Variants in CELF2 observed in about 807,000 individuals in gnomAD.
CELF2 encodes CUG triplet repeat RNA-binding protein 2.
CELF2 carries 8 observed loss-of-function variants against 62.6 expected under a neutral mutation model. The ratio of observed to expected loss-of-function variants is 0.13; its 90% CI spans 0.07 to 0.23. The LOEUF is 0.23. Ranked by LOEUF, CELF2 falls within the 10% of genes least tolerant of loss-of-function variation. The pLI, the probability that CELF2 is intolerant of heterozygous loss-of-function variation, is 1.00. For synonymous variants in CELF2, 258 were observed against 250.0 expected (o/e 1.03, Z -0.30); for missense variants, 333 against 671.0 (o/e 0.50, Z 5.56).
intron 8 of CELF2, 42 bp downstream of exon 8, chr10:11,275,162 T>G: frequency 6.2e-7 from 1 of 1,602,292 alleles, no homozygotes; most frequent in South Asian, 1.1e-5. Context: ...CGTGCTATTG[T>G]CAGAATTTGG....
chr10:11,167,548 C>G (rs888945052), intron 2 of CELF2, among the ~76,000 whole-genome samples: 4 of 152,208 alleles, frequency 2.6e-5, no homozygotes, highest in African/African-American at 9.7e-5. Context: ...TCCTTTTTCC[C>G]AGTCAGGTAA....
At chr10:10,933,372 C>A (rs933270261) in intron 2 of CELF2, among the ~76,000 whole-genome samples, 12 of 152,182 alleles carry the variant, frequency 7.9e-5, no homozygotes, top group Admixed American at 1.3e-4. Flanking sequence ...TACCTGAATA[C>A]ATTGTGCAAA....
At chr10:11,121,967 G>C (rs2057841280) in intron 1 of CELF2, among the ~76,000 whole-genome samples, 1 of 152,142 alleles carries the variant, frequency 6.6e-6, no homozygotes, top group African/African-American at 2.4e-5. Context: ...GTCCATGTGT[G>C]CCAGATAACC....
At chr10:11,070,684 T>A (rs956857551) in intron 1 of CELF2, among the ~76,000 whole-genome samples, 4 of 152,002 alleles carry the variant, frequency 2.6e-5, no homozygotes, top group Admixed American at 1.3e-4. Context: ...CCAACAATAC[T>A]TTGTGGCCTG....
the CELF2 span, among the ~76,000 whole-genome samples, chr10:10,527,743 C>T: frequency 6.6e-6 from 1 of 152,198 alleles, no homozygotes; most frequent in South Asian, 2.1e-4. Context: ...GAAGAAAATA[C>T]TGTTGCTTAC....
At position 11,165,156 on chromosome 10, in the gene CELF2, C is replaced by A; in HGVS notation, c.75-330C>A. Reference sequence around the variant, plus strand: ...TAAGGCGCTGATGCGTTGATGGCAGCCTTGCAGAGCTAGACCTGCACTTAA... The same window carrying A: ...TAAGGCGCTGATGCGTTGATGGCAGACTTGCAGAGCTAGACCTGCACTTAA... On this transcript the variant is annotated intron_variant, in intron 1 of 12. Coordinates refer to ENST00000633077, the MANE Select transcript of CELF2 (RefSeq NM_001326342.2). This position sits in a 1 kb window ranked among gnomAD's most constrained non-coding sequence, Gnocchi z 7.4. 1 of 1,105,400 alleles carries A rather than the reference C, an allele frequency of 9.0e-7. No individual in the cohort carries two copies. The highest frequency in any genetic ancestry group is 1.1e-6 in the Non-Finnish European group (1 of 903,432). The allele number at this position is 1,105,400 out of a possible 1,614,324, so 68.5% of individuals were successfully genotyped here.
intron 1 of CELF2, among the ~76,000 whole-genome samples, chr10:11,099,823 A>G (rs1291825): frequency 0.49 from 72,889 of 149,978 alleles, 21,224 homozygotes; most frequent in East Asian, 0.83. Context: ...TTTATTATAC[A>G]TTACATAGTT....
intron 2 of CELF2, among the ~76,000 whole-genome samples, chr10:10,969,781 A>G (rs2050563285): frequency 6.6e-6 from 1 of 152,254 alleles, no homozygotes; most frequent in Non-Finnish European, 1.5e-5. Context: ...CCTTTCCCAC[A>G]TAAACGAAGG....
intron 1 of CELF2, among the ~76,000 whole-genome samples, chr10:11,031,320 G>A (rs2060078824): frequency 6.6e-6 from 1 of 152,152 alleles, no homozygotes; most frequent in African/African-American, 2.4e-5. Flanking sequence ...TTCAATGATG[G>A]ACAGCTGTGG....
intron 2 of CELF2, among the ~76,000 whole-genome samples, chr10:10,955,979 A>T (rs1367265316): frequency 1.3e-5 from 2 of 152,202 alleles, no homozygotes; most frequent in African/African-American, 4.8e-5. Flanking sequence ...ATCACTGCAA[A>T]TCAAGTCATC....
chr10:10,977,009 GA>G, intron 2 of CELF2, among the ~76,000 whole-genome samples: 1 of 150,930 alleles, frequency 6.6e-6, no homozygotes, highest in East Asian at 1.9e-4. Flanking sequence ...GTCCCAGAAA[GA>G]AATTCTGACA....
At chr10:11,259,684 C>T (rs771560132) in intron 5 of CELF2, among the ~76,000 whole-genome samples, 1 of 152,130 alleles carries the variant, frequency 6.6e-6, no homozygotes, top group Non-Finnish European at 1.5e-5. Flanking sequence ...CCCAAACAGC[C>T]TCACCAGCCA....
chr10:10,592,484 CTG>C, the CELF2 span, among the ~76,000 whole-genome samples: 1 of 152,202 alleles, frequency 6.6e-6, no homozygotes. Context: ...TTCCTTCATA[CTG>C]TCAGCCAACC....
intron 9 of CELF2, among the ~76,000 whole-genome samples, chr10:11,310,860 T>C (rs1284016867): frequency 6.6e-6 from 1 of 151,918 alleles, no homozygotes; most frequent in Non-Finnish European, 1.5e-5. Context: ...AAAATATTTT[T>C]AATGACATCA....
At chr10:10,922,407 T>C (rs2065005180) in intron 2 of CELF2, among the ~76,000 whole-genome samples, 1 of 152,198 alleles carries the variant, frequency 6.6e-6, no homozygotes, top group Non-Finnish European at 1.5e-5. Flanking sequence ...GAACGAGGAA[T>C]GACTTCCAAA....
rs548942845 is a variant in CELF2, at chr10:11,146,303, C to T, written c.75-19183C>T. The stretch of plus-strand genomic sequence containing the variant: ...TTCATGTGAGGGTTTTCCAAAAGGA[C>T]CCAAAGTGTAATTAATCGAGCTTTC... On this transcript the variant is annotated intron_variant, in intron 1 of 12. Transcript: ENST00000633077. 7.2e-5 allele frequency among the ~76,000 whole-genome samples: 11 copies of T among 152,286 alleles called. No individual in the cohort carries two copies. The East Asian group carries it at 2.1e-3, about 29-fold the overall frequency.
At chr10:10,606,742 AAAT>A in the CELF2 span, among the ~76,000 whole-genome samples, 2 of 152,198 alleles carry the variant, frequency 1.3e-5, no homozygotes, top group African/African-American at 4.8e-5. Context: ...TAGAATATTA[AAAT>A]AATAATTGTA....
the CELF2 span, among the ~76,000 whole-genome samples, chr10:10,613,242 C>CA: frequency 6.6e-6 from 1 of 152,062 alleles, no homozygotes; most frequent in Non-Finnish European, 1.5e-5. Flanking sequence ...AAGTGTAAGC[C>CA]ATGTGGGGGA....
the CELF2 span, among the ~76,000 whole-genome samples, chr10:10,545,793 C>T: frequency 2.0e-5 from 3 of 151,944 alleles, no homozygotes; most frequent in African/African-American, 4.8e-5. Context: ...TTAGGGTGAT[C>T]GAGGGAGCAA....
Sources: gnomAD v4.1 joint callset for allele counts (sites outside exome capture counted in the v4.1 genomes callset) on GRCh38, gnomAD v4.1.1 for gene constraint, Gnocchi (gnomAD v3.1) non-coding constraint, MANE v1.5 for transcripts, NCBI Gene and HGNC (gene_info 2026-07-23, HGNC 2026-07-21) for gene names.